ARSB: variants seen among roughly 807,000 people sequenced by gnomAD.
ARSB encodes arylsulfatase B.
Under a neutral mutation model 50.9 loss-of-function variants are expected in ARSB, and 41 were observed. The ratio of observed to expected loss-of-function variants is 0.81; its 90% CI spans 0.63 to 1.04. ARSB has a LOEUF of 1.04. ARSB is among the 50% of genes least tolerant of loss of function. ARSB has a pLI of 0.00. For missense variants in ARSB, 672 were observed against 693.3 expected, an observed-to-expected ratio of 0.97 and a Z score of 0.35; for synonymous variants, 269 against 284.8, an observed-to-expected ratio of 0.94 and a Z score of 0.56.
At chr5:78,912,654 T>A (rs1749358388) in intron 4 of ARSB, among the ~76,000 whole-genome samples, 1 of 152,144 alleles carries the variant, frequency 6.6e-6, no homozygotes, top group Non-Finnish European at 1.5e-5. Context: ...ACTGCAACAT[T>A]AACATTTTGC....
At chr5:78,783,453 T>G (rs765357889) in intron 6 of ARSB, 1 of 152,198 alleles carries the variant, frequency 6.6e-6, no homozygotes, top group Non-Finnish European at 1.5e-5. Flanking sequence ...CGGCAAACAC[T>G]GGTGCTTTCA....
chr5:78,780,720 T>C (rs1234813010), intron 7 of ARSB, 58 bp from the exon 8 acceptor site: 5 of 1,603,616 alleles, frequency 3.1e-6, no homozygotes, highest in Non-Finnish European at 4.3e-6. Flanking sequence ...GGTTCTAATT[T>C]CAGGGAAGGA....
At chr5:78,869,167 T>G (rs1487754750) in intron 5 of ARSB, among the ~76,000 whole-genome samples, 2 of 135,800 alleles carry the variant, frequency 1.5e-5, no homozygotes, top group Non-Finnish European at 3.2e-5. Flanking sequence ...ATAAAGCAAG[T>G]CCTGAGTGAC....
intron 3 of ARSB, 42 bp downstream of exon 3, chr5:78,964,374 T>C (rs1312664668): frequency 1.3e-6 from 2 of 1,571,894 alleles, no homozygotes; most frequent in African/African-American, 1.4e-5. Context: ...AAGACATTAG[T>C]GTAACAAGAT....
chr5:78,905,614 TG>T (rs1749025324), intron 4 of ARSB, among the ~76,000 whole-genome samples: 1 of 152,280 alleles, frequency 6.6e-6, no homozygotes, highest in South Asian at 2.1e-4. Context: ...ATCTAGGACC[TG>T]GGCAGTGGTT....
chr5:78,857,444 T>C (rs1746207880), intron 5 of ARSB, among the ~76,000 whole-genome samples: 1 of 152,242 alleles, frequency 6.6e-6, no homozygotes, highest in South Asian at 2.1e-4. Flanking sequence ...TATCAGATTG[T>C]TGATTTTATT....
chr5:78,847,885 A>C (rs1441333486), intron 5 of ARSB, among the ~76,000 whole-genome samples: 1 of 151,884 alleles, frequency 6.6e-6, no homozygotes, highest in Non-Finnish European at 1.5e-5. Context: ...GATCACTTGT[A>C]TTTCTATGGT....
intron 6 of ARSB, among the ~76,000 whole-genome samples, chr5:78,826,546 G>A (rs1236215526): frequency 6.6e-6 from 1 of 152,094 alleles, no homozygotes; most frequent in Non-Finnish European, 1.5e-5. Flanking sequence ...AGGTACTGGG[G>A]GCAGGGGGTA....
In ARSB at chr5:78,984,937, C is replaced by T; in HGVS notation, c.312G>A (p.Gln104=). ...CGCGGGCGGCGGGGGCGCCGCGTAC[C>T]TGGTAGCGGCCAGTGAGCAGCTGGC... ...SRSQLLTGRY[Q]IRTGLQHQII... The change falls in exon 1 of 8, where the codon CAG becomes CAA. Residue 104 remains glutamine (Q), a splice_region_variant and synonymous_variant. Coordinates refer to ENST00000264914, the MANE Select transcript of ARSB (RefSeq NM_000046.5). The T allele has an allele frequency of 7.2e-7, 1 of 1,394,246 alleles. No individual in the cohort carries two copies. The highest frequency in any genetic ancestry group is 9.3e-7 in the Non-Finnish European group (1 of 1,070,892). 86.4% of individuals were successfully genotyped at this position (1,394,246 alleles called of 1,614,324 possible).
rs539378013 is a variant in ARSB, at chr5:78,903,805, G to A, written c.899-17978C>T. Among the ~76,000 whole-genome samples, 6 of 152,258 alleles carry A rather than the reference G, an allele frequency of 3.9e-5. No individual in the cohort carries two copies. The South Asian group carries it at 6.2e-4, about 16-fold the overall frequency. On this transcript the variant is annotated intron_variant, in intron 4 of 7. Coordinates refer to ENST00000264914, the MANE Select transcript of ARSB (RefSeq NM_000046.5). ...TCTTTTCTATACTTCACATAGTCATGAAGATATATTAACCATATCAGATAT... is the reference window on the plus strand; with the variant it reads ...TCTTTTCTATACTTCACATAGTCATAAAGATATATTAACCATATCAGATAT...
At position 78,977,507 on chromosome 5, in the gene ARSB, C is replaced by G. The variant is rs1752720543; in HGVS notation, c.312+7430G>C. Among the ~76,000 whole-genome samples the G allele has an allele frequency of 2.6e-5, 4 of 152,162 alleles. 1 individual carries two copies. The South Asian group carries it at 8.3e-4, about 32-fold the overall frequency. ...GTTACTCCTTCTCCTTACCTCACCC[C>G]CTTCAGATTATAAGCACCAAGAGAT... On this transcript the variant is annotated intron_variant, in intron 1 of 7. Coordinates refer to ENST00000264914, the MANE Select transcript of ARSB (RefSeq NM_000046.5).
intron 4 of ARSB, among the ~76,000 whole-genome samples, chr5:78,908,233 A>C (rs1749152170): frequency 6.6e-6 from 1 of 151,922 alleles, no homozygotes; most frequent in South Asian, 2.1e-4. Flanking sequence ...TTGTCTGGGA[A>C]CTCTACCTTG....
At chr5:78,963,089 G>A (rs3869024) in intron 3 of ARSB, among the ~76,000 whole-genome samples, 40,361 of 152,080 alleles carry the variant, frequency 0.27, 6,672 homozygotes, top group African/African-American at 0.47. Flanking sequence ...GATCCCTCAC[G>A]AATGGCTTCA....
intron 5 of ARSB, among the ~76,000 whole-genome samples, chr5:78,864,100 C>A (rs537586755): frequency 6.6e-6 from 1 of 151,936 alleles, no homozygotes; most frequent in East Asian, 2.0e-4. Flanking sequence ...CCTCTGAGAC[C>A]TGAAGAGTCA....
chr5:78,948,487 T>C (rs1384971327), intron 4 of ARSB, among the ~76,000 whole-genome samples: 2 of 152,166 alleles, frequency 1.3e-5, no homozygotes, highest in Non-Finnish European at 2.9e-5. Context: ...ATAGTATGTG[T>C]GTAATGAGAA....
chr5:78,948,492 T>A (rs550987212), intron 4 of ARSB, among the ~76,000 whole-genome samples: 92 of 152,222 alleles, frequency 6.0e-4, no homozygotes, highest in African/African-American at 2.1e-3. Context: ...ATGTGTGTAA[T>A]GAGAAAGACA....
intron 6 of ARSB, among the ~76,000 whole-genome samples, chr5:78,831,843 G>A (rs1470979871): frequency 1.3e-5 from 2 of 152,070 alleles, no homozygotes; most frequent in East Asian, 1.9e-4. Context: ...ATTTCAGGCT[G>A]AAAGAAAGAT....
intron 3 of ARSB, among the ~76,000 whole-genome samples, chr5:78,960,093 G>A (rs1165306359): frequency 2.0e-5 from 3 of 152,184 alleles, no homozygotes; most frequent in African/African-American, 7.2e-5. Flanking sequence ...AACCCTACCT[G>A]TAACCCTTTC....
At chr5:78,867,113 C>T (rs1173444934) in intron 5 of ARSB, among the ~76,000 whole-genome samples, 1 of 152,172 alleles carries the variant, frequency 6.6e-6, no homozygotes, top group Admixed American at 6.5e-5. Context: ...TTCAGACTGG[C>T]TTAAAAAACG....
Sources: allele counts gnomAD v4.1 joint callset (sites outside exome capture counted in the v4.1 genomes callset), GRCh38; gene constraint gnomAD v4.1.1; transcripts MANE v1.5; gene names NCBI Gene and HGNC (gene_info 2026-07-23, HGNC 2026-07-21).